CDK6: variants seen among roughly 807,000 people sequenced by gnomAD.
CDK6 encodes cyclin-dependent kinase 6.
Under a neutral mutation model 37.1 loss-of-function variants are expected in CDK6, and 6 were observed. That is an observed-to-expected ratio of 0.16 (90% CI 0.09 to 0.32). CDK6 has a LOEUF of 0.32. CDK6 is among the 10% of genes least tolerant of loss of function. The pLI is 1.00. For synonymous variants in CDK6, 160 were observed against 161.3 expected, an observed-to-expected ratio of 0.99 and a Z score of 0.06; for missense variants, 224 against 418.9, an observed-to-expected ratio of 0.53 and a Z score of 4.06.
At chr7:92,661,252 T>G (rs966487367) in intron 5 of CDK6, among the ~76,000 whole-genome samples, 3 of 152,210 alleles carry the variant, frequency 2.0e-5, no homozygotes, top group African/African-American at 7.2e-5. Flanking sequence ...TTCTTGGGCC[T>G]CAGTTTTCTT....
intron 3 of CDK6, among the ~76,000 whole-genome samples, chr7:92,740,042 G>A (rs1798881643): frequency 6.6e-6 from 1 of 152,178 alleles, no homozygotes; most frequent in African/African-American, 2.4e-5. Flanking sequence ...ACAGGTGTGA[G>A]CCACCATGCC....
At chr7:92,765,249 A>G (rs1799552344) in intron 3 of CDK6, among the ~76,000 whole-genome samples, 1 of 152,192 alleles carries the variant, frequency 6.6e-6, no homozygotes. Flanking sequence ...CACTGAGCTT[A>G]GTTCTCCATC....
chr7:92,645,166 G>C (rs1194939692), intron 5 of CDK6, among the ~76,000 whole-genome samples: 1 of 152,174 alleles, frequency 6.6e-6, no homozygotes, highest in Non-Finnish European at 1.5e-5. Context: ...GGAGTCTATG[G>C]TGTTTTCACT....
intron 4 of CDK6, chr7:92,710,834 T>C: frequency 1.0e-6 from 1 of 985,414 alleles, no homozygotes; most frequent in Non-Finnish European, 1.2e-6. Context: ...GACGGATGAC[T>C]TGGACACCTC....
At chr7:92,704,017 C>A (rs1797912947) in intron 4 of CDK6, among the ~76,000 whole-genome samples, 2 of 152,120 alleles carry the variant, frequency 1.3e-5, no homozygotes, top group African/African-American at 4.8e-5. Context: ...TCCCTCCTAC[C>A]TTGGGGCCTC....
intron 4 of CDK6, among the ~76,000 whole-genome samples, chr7:92,671,950 C>G (rs1231840300): frequency 1.3e-5 from 2 of 150,848 alleles, no homozygotes; most frequent in Non-Finnish European, 1.5e-5. Context: ...TGATGGCATA[C>G]AGAGTGGTGT....
rs183389147 is a variant in CDK6 at position 92,758,761 on chromosome 7, C to T, written c.369+15935G>A. Among the ~76,000 whole-genome samples the T allele has an allele frequency of 9.5e-4, 145 of 152,290 alleles. 1 individual carries two copies. The highest frequency in any genetic ancestry group is 3.4e-3 in the African/African-American group (142 of 41,562). On this transcript the variant is annotated intron_variant, in intron 3 of 7. Transcript: ENST00000424848. ...TTTTAATGATATCAATTCTTCCTAT[C>T]CATGAGCATGGGATGTTTTTCCATT...
chr7:92,656,375 C>T (rs1056870364), intron 5 of CDK6, among the ~76,000 whole-genome samples: 4 of 152,006 alleles, frequency 2.6e-5, no homozygotes, highest in African/African-American at 7.3e-5. Context: ...AGCAAGGGCC[C>T]GTATGGAGTT....
intron 5 of CDK6, among the ~76,000 whole-genome samples, chr7:92,625,033 T>C (rs1262962714): frequency 1.3e-5 from 2 of 151,992 alleles, no homozygotes; most frequent in African/African-American, 2.4e-5. Flanking sequence ...TGGGAGTGAA[T>C]CTCTATTTAG....
intron 4 of CDK6, among the ~76,000 whole-genome samples, chr7:92,679,519 A>G (rs915727003): frequency 2.6e-5 from 4 of 152,236 alleles, no homozygotes; most frequent in Admixed American, 2.0e-4. Context: ...GAATATAAAT[A>G]TAATCTTTGA....
At chr7:92,708,683 A>AT (rs1798019515) in intron 4 of CDK6, among the ~76,000 whole-genome samples, 1 of 152,240 alleles carries the variant, frequency 6.6e-6, no homozygotes, top group African/African-American at 2.4e-5. Flanking sequence ...AAGAAAAAAA[A>AT]GTCATTTCAT....
At chr7:92,667,619 G>A (rs1796988392) in intron 5 of CDK6, among the ~76,000 whole-genome samples, 1 of 145,668 alleles carries the variant, frequency 6.9e-6, no homozygotes, top group Non-Finnish European at 1.5e-5. Context: ...GTGTGATCTT[G>A]GCTCACTGCA....
chr7:92,786,321 T>C (rs1800131227), intron 2 of CDK6, among the ~76,000 whole-genome samples: 1 of 152,170 alleles, frequency 6.6e-6, no homozygotes. Flanking sequence ...AGTAAATTCA[T>C]CCCAGCACTA....
At chr7:92,779,057 G>T (rs1392231726) in intron 2 of CDK6, among the ~76,000 whole-genome samples, 2 of 151,802 alleles carry the variant, frequency 1.3e-5, no homozygotes, top group African/African-American at 2.4e-5. Context: ...CCCCTGGACC[G>T]TTGTCTTAGA....
At chr7:92,648,713 T>TA (rs1393760097) in intron 5 of CDK6, among the ~76,000 whole-genome samples, 2 of 152,234 alleles carry the variant, frequency 1.3e-5, no homozygotes, top group African/African-American at 4.8e-5. Flanking sequence ...AGTGACCATC[T>TA]ATAAGATGAT....
intron 2 of CDK6, among the ~76,000 whole-genome samples, chr7:92,792,351 C>T (rs1800305737): frequency 6.6e-6 from 1 of 152,140 alleles, no homozygotes; most frequent in Non-Finnish European, 1.5e-5. Flanking sequence ...ACAAATCTAT[C>T]TCCATTTTTA....
chr7:92,637,421 A>G (rs930162960), intron 5 of CDK6, among the ~76,000 whole-genome samples: 6 of 152,326 alleles, frequency 3.9e-5, no homozygotes, highest in Admixed American at 2.0e-4. Context: ...ATAACTTCTG[A>G]TCACTTTTGG....
chr7:92,775,061 T>C (rs567744990), intron 2 of CDK6, among the ~76,000 whole-genome samples: 1 of 152,354 alleles, frequency 6.6e-6, no homozygotes, highest in South Asian at 2.1e-4. Context: ...ACATCTATAG[T>C]AACAATGAGA....
At chr7:92,831,454 G>T (rs188621371) in intron 2 of CDK6, among the ~76,000 whole-genome samples, 62 of 152,284 alleles carry the variant, frequency 4.1e-4, no homozygotes, top group Non-Finnish European at 7.9e-4. Context: ...AAATTGTAGT[G>T]GTGGAATTCA....
Sources: gnomAD v4.1 joint callset for allele counts (sites outside exome capture counted in the v4.1 genomes callset) on GRCh38, gnomAD v4.1.1 for gene constraint, MANE v1.5 for transcripts, NCBI Gene and HGNC (gene_info 2026-07-23, HGNC 2026-07-21) for gene names.